The following KLHL32 variants were observed in gnomAD, a reference collection of about 807,000 sequenced individuals.
The protein encoded by KLHL32 is kelch like family member 32.
KLHL32 carries 35 observed loss-of-function variants against 64.8 expected under a neutral mutation model. The observed-to-expected ratio is 0.54, with a 90% CI of 0.41 to 0.72. The LOEUF is 0.72. Ranked by LOEUF, KLHL32 falls within the 30% of genes least tolerant of loss-of-function variation. The pLI is 0.00. For synonymous variants in KLHL32, 259 were observed against 281.0 expected (o/e 0.92, Z 0.78); for missense variants, 589 against 768.5 (o/e 0.77, Z 2.76).
At chr6:97,104,015 A>G (rs1045340953) in intron 6 of KLHL32, among the ~76,000 whole-genome samples, 1 of 152,234 alleles carries the variant, frequency 6.6e-6, no homozygotes, top group African/African-American at 2.4e-5. Context: ...TGTCAGCCAT[A>G]TACTCACATT....
At chr6:97,036,084 T>A (rs1562265721) in intron 3 of KLHL32, among the ~76,000 whole-genome samples, 1 of 152,200 alleles carries the variant, frequency 6.6e-6, no homozygotes, top group Non-Finnish European at 1.5e-5. Flanking sequence ...TCAAGTTTAC[T>A]AATTCTTTCC....
intron 1 of KLHL32, among the ~76,000 whole-genome samples, chr6:96,959,405 G>A (rs1025876306): frequency 2.6e-5 from 4 of 152,176 alleles, no homozygotes; most frequent in African/African-American, 9.6e-5. Context: ...CAATTCTGGA[G>A]GCTACAAGTC....
At chr6:97,039,089 C>CAA (rs535614966) in intron 3 of KLHL32, among the ~76,000 whole-genome samples, 839 of 74,954 alleles carry the variant, frequency 0.011, 14 homozygotes, top group African/African-American at 0.034. Context: ...GACTCTGTCT[C>CAA]AAAAAAAAAA....
chr6:96,939,625 G>C (rs764836850), intron 1 of KLHL32, among the ~76,000 whole-genome samples: 20 of 152,150 alleles, frequency 1.3e-4, no homozygotes, highest in Non-Finnish European at 2.5e-4. Flanking sequence ...AAAAATTCTA[G>C]GAGGAAACAC....
chr6:97,061,126 C>T (rs1005957031), intron 4 of KLHL32, among the ~76,000 whole-genome samples: 1 of 152,136 alleles, frequency 6.6e-6, no homozygotes, highest in Non-Finnish European at 1.5e-5. Flanking sequence ...GGAGGTCAGG[C>T]GGGGAAAGAA....
chr6:96,964,042 C>T (rs983119132), intron 1 of KLHL32, among the ~76,000 whole-genome samples: 11 of 152,226 alleles, frequency 7.2e-5, no homozygotes, highest in Admixed American at 6.5e-4. Flanking sequence ...AAATGCAGTT[C>T]TATCTCTTGA....
At chr6:97,026,765 G>A (rs749436640) in intron 3 of KLHL32, among the ~76,000 whole-genome samples, 21 of 152,294 alleles carry the variant, frequency 1.4e-4, no homozygotes, top group Admixed American at 9.1e-4. Flanking sequence ...TTTTAAGAGC[G>A]ATCATTAGTT....
upstream of KLHL32, among the ~76,000 whole-genome samples, chr6:96,923,070 A>T (rs1357192109): frequency 1.3e-5 from 2 of 152,006 alleles, no homozygotes; most frequent in African/African-American, 4.8e-5. Context: ...GCAGTAAGAG[A>T]CTCTTCCATA....
intron 2 of KLHL32, among the ~76,000 whole-genome samples, chr6:96,969,443 T>G (rs1373875779): frequency 2.6e-5 from 4 of 152,220 alleles, no homozygotes; most frequent in Admixed American, 6.5e-5. Context: ...CTATCACTGT[T>G]GCTAAACCCT....
chr6:97,068,241 A>C (rs1250490897), intron 5 of KLHL32, among the ~76,000 whole-genome samples: 1 of 152,236 alleles, frequency 6.6e-6, no homozygotes, highest in Non-Finnish European at 1.5e-5. Context: ...TTTTATTAAC[A>C]ACCATTCTTT....
intron 3 of KLHL32, among the ~76,000 whole-genome samples, chr6:97,001,975 AATAG>A (rs1033209421): frequency 9.9e-5 from 15 of 152,154 alleles, no homozygotes; most frequent in Admixed American, 5.2e-4. Flanking sequence ...AACTAAGAGG[AATAG>A]ATAGATAGAT....
chr6:96,921,026 C>A (rs992123587), upstream of KLHL32, among the ~76,000 whole-genome samples: 2 of 152,052 alleles, frequency 1.3e-5, no homozygotes, highest in East Asian at 3.8e-4. Flanking sequence ...TCTTCTTTAC[C>A]CATATTCTCT....
At chr6:97,057,369 A>C (rs538522953) in intron 4 of KLHL32, among the ~76,000 whole-genome samples, 2 of 121,498 alleles carry the variant, frequency 1.6e-5, no homozygotes, top group East Asian at 4.5e-4. Flanking sequence ...TTTTTAGTAG[A>C]GACGGGGTTT....
intron 6 of KLHL32, among the ~76,000 whole-genome samples, chr6:97,096,472 A>G (rs1289494497): frequency 6.6e-6 from 1 of 152,232 alleles, no homozygotes; most frequent in Non-Finnish European, 1.5e-5. Flanking sequence ...ATTCATCACT[A>G]AACTTTTTAA....
intron 4 of KLHL32, among the ~76,000 whole-genome samples, chr6:97,045,408 A>T (rs1296574355): frequency 3.9e-5 from 6 of 152,172 alleles, no homozygotes; most frequent in Admixed American, 1.3e-4. Flanking sequence ...TCACATCTGT[A>T]TTTGCCCATC....
chr6:97,130,708 G>C, intron 8 of KLHL32, 49 bp from the exon 9 acceptor site: 1 of 1,498,872 alleles, frequency 6.7e-7, no homozygotes. Flanking sequence ...GCTGTTTTCT[G>C]ACATGGAGGT....
intron 3 of KLHL32, among the ~76,000 whole-genome samples, chr6:97,011,094 G>A (rs548988521): frequency 2.4e-4 from 37 of 152,254 alleles, no homozygotes; most frequent in Non-Finnish European, 4.9e-4. Flanking sequence ...TGGGAGGAGG[G>A]ACAGCGTTTG....
At chr6:96,939,590 T>C (rs1771030280) in intron 1 of KLHL32, among the ~76,000 whole-genome samples, 1 of 151,840 alleles carries the variant, frequency 6.6e-6, no homozygotes, top group Non-Finnish European at 1.5e-5. Flanking sequence ...AATGGAGAGA[T>C]TGGAGAGTGT....
intron 6 of KLHL32, among the ~76,000 whole-genome samples, chr6:97,093,862 A>G (rs1322873395): frequency 6.6e-6 from 1 of 152,226 alleles, no homozygotes; most frequent in African/African-American, 2.4e-5. Flanking sequence ...TGACCAAGAG[A>G]CATAAATTAG....
Sources: gnomAD v4.1 joint callset for allele counts (sites outside exome capture counted in the v4.1 genomes callset) on GRCh38, gnomAD v4.1.1 for gene constraint, MANE v1.5 for transcripts, NCBI Gene and HGNC (gene_info 2026-07-23, HGNC 2026-07-21) for gene names.